STON2: variants seen among roughly 807,000 people sequenced by gnomAD.
STON2 encodes the protein stonin-2.
Under a neutral mutation model 65.7 loss-of-function variants are expected in STON2, and 29 were observed. That is an observed-to-expected ratio of 0.44 (90% CI 0.33 to 0.60). The LOEUF (loss-of-function observed/expected upper bound fraction) is 0.60, where lower values mean the gene tolerates loss of function less well. Among genes scored for constraint, STON2 ranks in the 20% least tolerant of loss-of-function variants. The pLI, the probability that STON2 is intolerant of heterozygous loss-of-function variation, is 0.03. For missense variants in STON2, 1,054 were observed against 1,118.1 expected, an observed-to-expected ratio of 0.94 and a Z score of 0.82; for synonymous variants, 404 against 414.2, an observed-to-expected ratio of 0.98 and a Z score of 0.30.
intron 5 of STON2, among the ~76,000 whole-genome samples, chr14:81,279,818 C>G (rs1233549861): frequency 6.6e-6 from 1 of 152,100 alleles, no homozygotes; most frequent in Admixed American, 6.5e-5. Flanking sequence ...AACAGATGCT[C>G]TGAAAAGAGA....
chr14:81,427,154 T>G (rs1158964283), exon 2 of STON2: 1 of 152,256 alleles, frequency 6.6e-6, no homozygotes, highest in African/African-American at 2.4e-5. Flanking sequence ...TCTGTACTTG[T>G]AACCACTTCG....
chr14:81,269,566 AAC>A, intron 7 of STON2: 1 of 985,352 alleles, frequency 1.0e-6, no homozygotes, highest in Non-Finnish European at 1.2e-6. Context: ...TTCAACACAC[AAC>A]AGTCAGGTTT....
rs116202471 is a variant in STON2 at position 81,370,406 on chromosome 14, G to C, written c.571+582C>G. Among the ~76,000 whole-genome samples the C allele has an allele frequency of 2.7e-3, 408 of 152,240 alleles. 2 individuals carry two copies. The highest frequency in any genetic ancestry group is 9.5e-3 in the African/African-American group (394 of 41,548). On this transcript the variant is annotated intron_variant, in intron 4 of 7. Transcript: ENST00000614646. ...GACCCATATTCCACCTGCAAAGAAA[G>C]CCAGCATTCCATCTTACACCTACTG... is the stretch of plus-strand genomic sequence containing the variant.
rs2140253376 is a variant in STON2 at position 81,326,065 on chromosome 14, C to A, written c.572-1878G>T. 2.0e-5 allele frequency among the ~76,000 whole-genome samples: 3 copies of A among 152,324 alleles called. No homozygotes were observed. In the South Asian group the frequency reaches 6.2e-4, roughly 32 times the overall value. ...AGTTGCTATTATTATCCTCATTTTA[C>A]AGATCGAGAGAGCAACCTCAGAGTA... is the stretch of plus-strand genomic sequence containing the variant. On this transcript the variant is annotated intron_variant, in intron 4 of 7. Transcript: ENST00000614646.
chr14:81,294,545 T>C (rs1329267740), intron 5 of STON2, among the ~76,000 whole-genome samples: 1 of 152,234 alleles, frequency 6.6e-6, no homozygotes, highest in African/African-American at 2.4e-5. Flanking sequence ...ATAATAATAG[T>C]ACTTACCTCT....
In STON2 at chr14:81,263,697, G is replaced by A. The variant is rs1894250424; in HGVS notation, c.*4717C>T. ...CAAAAGATTGGACCTCCCTGACTAA[G>A]GTCTAGATATGCTGGAATTAACATA... On this transcript the variant is annotated 3_prime_UTR_variant, in exon 8 of 8. Transcript: ENST00000614646. The A allele has an allele frequency of 2.0e-6, 2 of 984,016 alleles. No homozygotes were observed. Among genetic ancestry groups the A allele is most frequent in the South Asian group, 4.7e-5 (1 of 21,266 alleles). 61.0% of individuals were successfully genotyped at this position (984,016 alleles called of 1,614,324 possible).
chr14:81,413,364 T>G, intron 2 of STON2: 1 of 736,778 alleles, frequency 1.4e-6, no homozygotes, highest in Admixed American at 3.0e-5. Flanking sequence ...GAACCTTTAT[T>G]GTGTTTTATA....
intron 4 of STON2, among the ~76,000 whole-genome samples, chr14:81,338,393 A>T (rs137882600): frequency 6.6e-6 from 1 of 152,348 alleles, no homozygotes; most frequent in East Asian, 1.9e-4. Flanking sequence ...GTAGGTGGAC[A>T]CATGTGAGTG....
At chr14:81,400,478 CAAAAAAAA>C (rs5810028), upstream of STON2, among the ~76,000 whole-genome samples, 2 of 96,708 alleles carry the variant, frequency 2.1e-5, no homozygotes, top group African/African-American at 8.3e-5. Flanking sequence ...CAGCACCCGT[CAAAAAAAA>C]AAAAAAAAAA....
intron 3 of STON2, among the ~76,000 whole-genome samples, chr14:81,382,836 C>G (rs1186449882): frequency 6.6e-6 from 1 of 152,218 alleles, no homozygotes; most frequent in Non-Finnish European, 1.5e-5. Context: ...CAACGTTTCT[C>G]TTGAAAGAGA....
Position 81,263,006 on chromosome 14 carries a change from G to A in STON2, c.*5408C>T, listed in dbSNP as rs932360269. 4 of 985,290 alleles carry A rather than the reference G, an allele frequency of 4.1e-6. No individual in the cohort carries two copies. Among genetic ancestry groups the A allele is most frequent in the Non-Finnish European group, 4.8e-6 (4 of 829,924 alleles). The allele number at this position is 985,290 out of a possible 1,614,324, so 61.0% of individuals were successfully genotyped here. ...TAGAAATCATCTTTAGAAACTTGGT[G>A]AGAATGCCCTAATTTTATGTAAAGG... On this transcript the variant is annotated 3_prime_UTR_variant, in exon 8 of 8. Transcript: ENST00000614646.
At chr14:81,375,672 C>T (rs1263529595) in intron 3 of STON2, among the ~76,000 whole-genome samples, 3 of 151,804 alleles carry the variant, frequency 2.0e-5, no homozygotes, top group African/African-American at 7.3e-5. Flanking sequence ...CTTTAAACAA[C>T]AAAATGACCA....
rs184884571 is a variant in STON2 at position 81,268,882 on chromosome 14, T to A, written c.2785-385A>T. On this transcript the variant is annotated intron_variant, in intron 7 of 7. Coordinates refer to ENST00000614646, the MANE Select transcript of STON2 (RefSeq NM_001394390.1). Reference sequence around the variant, plus strand: ...ACTATACCATGGGCTCCACAAGACATGGGCAGGATCTTGTTCAATATTTTA... The same window carrying A: ...ACTATACCATGGGCTCCACAAGACAAGGGCAGGATCTTGTTCAATATTTTA... Among the ~76,000 whole-genome samples the A allele has an allele frequency of 4.6e-5, 7 of 152,350 alleles. 1 individual carries two copies. The highest frequency in any genetic ancestry group is 1.7e-4 in the African/African-American group (7 of 41,584).
At chr14:81,379,447 A>G (rs1899409455) in intron 3 of STON2, among the ~76,000 whole-genome samples, 1 of 152,210 alleles carries the variant, frequency 6.6e-6, no homozygotes, top group African/African-American at 2.4e-5. Flanking sequence ...ATAAACATTT[A>G]GAGATTGAAA....
chr14:81,393,611 C>G (rs774604126), intron 3 of STON2, among the ~76,000 whole-genome samples: 1 of 152,196 alleles, frequency 6.6e-6, no homozygotes, highest in Admixed American at 6.5e-5. Context: ...AATATTAATA[C>G]CTTCCTCATA....
rs1894151881 is a variant in STON2, at chr14:81,261,702, G to C, written c.*6712C>G. ...ATTATCCTATCATCCCCAGTACTTGGAGGGTTAGACCTACTTCTGTGTCAG... is the reference window on the plus strand; with the variant it reads ...ATTATCCTATCATCCCCAGTACTTGCAGGGTTAGACCTACTTCTGTGTCAG... On this transcript the variant is annotated 3_prime_UTR_variant, in exon 8 of 8. Coordinates refer to ENST00000614646, the MANE Select transcript of STON2 (RefSeq NM_001394390.1). 1 of 1,296,860 alleles carries C rather than the reference G, an allele frequency of 7.7e-7. No individual in the cohort carries two copies. Among genetic ancestry groups the C allele is most frequent in the East Asian group, 2.7e-5 (1 of 37,402 alleles). The allele number at this position is 1,296,860 out of a possible 1,614,324, so 80.3% of individuals were successfully genotyped here.
Position 81,398,033 on chromosome 14 carries a change from T to C in STON2, c.88+262A>G, listed in dbSNP as rs539413049. Among the ~76,000 whole-genome samples, 9 of 152,282 alleles carry C rather than the reference T, an allele frequency of 5.9e-5. No homozygotes were observed. The East Asian group carries it at 1.7e-3, about 29-fold the overall frequency. On this transcript the variant is annotated intron_variant, in intron 2 of 7. Transcript: ENST00000614646. ...CTGAGAGTAAAGTATTTGGTAAATA[T>C]TAAGTTTTTGTTTCTTGGGAGAAAA...
intron 1 of STON2, among the ~76,000 whole-genome samples, chr14:81,400,049 T>C (rs1236700956): frequency 6.6e-6 from 1 of 152,154 alleles, no homozygotes; most frequent in Admixed American, 6.5e-5. Context: ...ACAGTACATA[T>C]AGACTATCAC....
rs147500763 is a variant in STON2 at position 81,261,582 on chromosome 14, A to G, written c.*6832T>C. 76 of 466,462 alleles carry G rather than the reference A, an allele frequency of 1.6e-4. No individual in the cohort carries two copies. Among genetic ancestry groups the G allele is most frequent in the African/African-American group, 1.4e-3 (69 of 50,156 alleles). The allele number at this position is 466,462 out of a possible 1,614,324, so 28.9% of individuals were successfully genotyped here. On this transcript the variant is annotated 3_prime_UTR_variant, in exon 8 of 8. Coordinates refer to ENST00000614646, the MANE Select transcript of STON2 (RefSeq NM_001394390.1). ...CCCTTTTCTCTCATCTGGTTTTGCC[A>G]TAACTTACAAATAGTCCCAGGATGT...
Sources: gnomAD v4.1 joint callset for allele counts (sites outside exome capture counted in the v4.1 genomes callset) on GRCh38, gnomAD v4.1.1 for gene constraint, MANE v1.5 for transcripts, NCBI Gene and HGNC (gene_info 2026-07-23, HGNC 2026-07-21) for gene names.